The following TRIP12 variants were observed in gnomAD, a reference collection of about 807,000 sequenced individuals.
The protein encoded by TRIP12 is thyroid hormone receptor interactor 12.
A neutral mutation model predicts 244.2 loss-of-function variants in TRIP12; 25 were observed. The observed-to-expected ratio is 0.10, with a 90% CI of 0.07 to 0.14. TRIP12 has a LOEUF of 0.14. Ranked by LOEUF, TRIP12 falls within the 10% of genes least tolerant of loss-of-function variation. The probability of loss-of-function intolerance (pLI) is 1.00; values close to 1 mark genes in which losing one functional copy is unlikely to be tolerated. For missense variants in TRIP12, 1,677 were observed against 2,486.4 expected, an observed-to-expected ratio of 0.67 and a Z score of 6.92; for synonymous variants, 905 against 873.1, an observed-to-expected ratio of 1.04 and a Z score of -0.64.
chr2:229,815,351 G>A (rs754231249), intron 9 of TRIP12, 43 bp from the exon 10 acceptor site: 1 of 1,165,630 alleles, frequency 8.6e-7, no homozygotes, highest in South Asian at 1.4e-5. Context: ...TATTCCTTGG[G>A]AAAATCCTAG....
At chr2:229,872,621 T>A (rs891065507) in intron 2 of TRIP12, among the ~76,000 whole-genome samples, 1 of 152,116 alleles carries the variant, frequency 6.6e-6, no homozygotes, top group Admixed American at 6.5e-5. Context: ...GCAAGTCACA[T>A]TACGGTATGT....
rs1361735319 is a variant in TRIP12 at position 229,804,172 on chromosome 2, A to C, written c.2706T>G (p.Asp902Glu). Reference sequence around the variant, plus strand: ...TAATAAAAGACTTAGCCAGTTCCGGATCCTCTTTCATAAGCTGTGCTCGAG... The same window carrying C: ...TAATAAAAGACTTAGCCAGTTCCGGCTCCTCTTTCATAAGCTGTGCTCGAG... The part of the protein sequence containing the change: ...DDARAQLMKE[D>E]PELAKSFIKT... Residue 902 changes from aspartate (D) to glutamate (E), a missense_variant, in exon 19 of 42, where the codon GAT becomes GAG. Asp to Glu is a conservative substitution (Grantham distance 45). Transcript: ENST00000675903. 6.2e-7 allele frequency: 1 copy of C among 1,614,138 alleles called. No homozygotes were observed. Among genetic ancestry groups the C allele is most frequent in the Admixed American group, 1.7e-5 (1 of 60,024 alleles).
chr2:229,898,185 G>C (rs1254024964), intron 1 of TRIP12, among the ~76,000 whole-genome samples: 1 of 152,160 alleles, frequency 6.6e-6, no homozygotes, highest in African/African-American at 2.4e-5. Context: ...GACACACATT[G>C]ATAAGTCAAT....
rs747501109 is a variant in TRIP12, at chr2:229,771,526, G to A, written c.5801C>T (p.Pro1934Leu). Residue 1934 changes from proline to leucine, a missense_variant, in exon 39 of 42, where the codon CCG (proline) becomes CTG (leucine). Pro to Leu is a moderately conservative substitution (Grantham distance 98, BLOSUM62 -3). Transcript: ENST00000675903. ...TAGATATAAGCTACTCACTTCCTCC[G>A]GGTAGAAGTACTGAAGATGACTGAG... ...FPLSHLQYFY[P>L]EELDQLLCGS... 6.2e-7 allele frequency: 1 copy of A among 1,612,028 alleles called. No homozygotes were observed. The highest frequency in any genetic ancestry group is 8.5e-7 in the Non-Finnish European group (1 of 1,178,266).
At chr2:229,877,641 A>G (rs1189869421) in intron 2 of TRIP12, among the ~76,000 whole-genome samples, 1 of 152,230 alleles carries the variant, frequency 6.6e-6, no homozygotes, top group Non-Finnish European at 1.5e-5. Flanking sequence ...TTGATAGCCC[A>G]CAATGATTGT....
At chr2:229,843,081 CCTCCCTCCTTCTCTCT>C (rs1185417073) in intron 4 of TRIP12, among the ~76,000 whole-genome samples, 162 of 135,614 alleles carry the variant, frequency 1.2e-3, no homozygotes, top group Non-Finnish European at 4.4e-4. Flanking sequence ...TCCTTCCCTC[CCTCCCTCCTTCTCTCT>C]CTCCCTCCCT....
At position 229,810,910 on chromosome 2, in the gene TRIP12, G is replaced by A. The variant is rs753789064; in HGVS notation, c.2191C>T (p.Pro731Ser). The A allele has an allele frequency of 1.2e-6, 2 of 1,613,798 alleles. No homozygotes were observed. The highest frequency in any genetic ancestry group is 8.5e-7 in the Non-Finnish European group (1 of 1,179,912). Residue 731 changes from proline (P) to serine (S), a missense_variant, in exon 15 of 42, where the codon CCA (proline) becomes TCA (serine). This residue lies in a region of TRIP12 where 572 missense variants were observed against 867.8 expected (regional missense o/e 0.66). Transcript: ENST00000675903. ...TTCATAAGTTGAACAGCTAAAGTTG[G>A]ACAGTTGGAACACATCAGAGAAAAC... ...RMFSLMCSNCPTLAVQLMKQN... is the reference protein window; with the variant it reads ...RMFSLMCSNCSTLAVQLMKQN...
intron 8 of TRIP12, among the ~76,000 whole-genome samples, chr2:229,820,693 A>G (rs2154289731): frequency 6.6e-6 from 1 of 152,282 alleles, no homozygotes; most frequent in African/African-American, 2.4e-5. Context: ...GGTTCCAGCG[A>G]TTCTCCTGCC....
chr2:229,916,390 A>T (rs1210109965), intron 1 of TRIP12, among the ~76,000 whole-genome samples: 2 of 152,188 alleles, frequency 1.3e-5, no homozygotes. Flanking sequence ...TGACTTTTTA[A>T]ATCAAGCATA....
chr2:229,858,067 TA>T (rs929899430), intron 4 of TRIP12, among the ~76,000 whole-genome samples: 1 of 152,104 alleles, frequency 6.6e-6, no homozygotes, highest in African/African-American at 2.4e-5. Flanking sequence ...ATATCTCATA[TA>T]AAAAAATATA....
At chr2:229,902,662 G>C (rs1335270157) in intron 1 of TRIP12, among the ~76,000 whole-genome samples, 1 of 152,098 alleles carries the variant, frequency 6.6e-6, no homozygotes, top group African/African-American at 2.4e-5. Context: ...TGGTTTTTTT[G>C]AATCTTATGG....
chr2:229,908,499 C>T (rs1307145419), intron 1 of TRIP12, among the ~76,000 whole-genome samples: 2 of 152,070 alleles, frequency 1.3e-5, no homozygotes, highest in African/African-American at 4.8e-5. Flanking sequence ...AATCCCAGCA[C>T]TTTGGGAGGC....
intron 20 of TRIP12, among the ~76,000 whole-genome samples, chr2:229,802,890 CA>C (rs1011792243): frequency 5.4e-5 from 8 of 148,146 alleles, no homozygotes; most frequent in Non-Finnish European, 4.5e-5. Flanking sequence ...ACACTGCCAC[CA>C]AAAAAAAAAC....
rs2060080046 is a variant in TRIP12 at position 229,859,094 on chromosome 2, G to A, written c.705C>T (p.Ile235=). Residue 235 remains isoleucine (I), a synonymous_variant, in exon 4 of 42, where the codon ATC becomes ATT. Transcript: ENST00000675903. The part of the protein sequence containing the change: ...ATSAKAGCST[I]TDSSSAASTS... Reference sequence around the variant, plus strand: ...TAGAGGCAGCAGAAGAAGAATCAGTGATGGTGCTACACCCAGCTTTGGCTG... The same window carrying A: ...TAGAGGCAGCAGAAGAAGAATCAGTAATGGTGCTACACCCAGCTTTGGCTG... The A allele has an allele frequency of 1.2e-6, 2 of 1,614,238 alleles. No individual in the cohort carries two copies. The highest frequency in any genetic ancestry group is 1.7e-6 in the Non-Finnish European group (2 of 1,180,036).
intron 34 of TRIP12, among the ~76,000 whole-genome samples, chr2:229,784,701 T>C (rs1399583415): frequency 1.3e-5 from 2 of 152,018 alleles, no homozygotes; most frequent in Non-Finnish European, 2.9e-5. Context: ...TTATCAATCA[T>C]GAGGGAAATA....
At chr2:229,851,793 C>T (rs760348990) in intron 4 of TRIP12, among the ~76,000 whole-genome samples, 6 of 152,048 alleles carry the variant, frequency 3.9e-5, no homozygotes, top group Non-Finnish European at 8.8e-5. Context: ...GACCATGAAC[C>T]CACCAGAAGG....
chr2:229,884,236 CTTTT>C (rs200052292), intron 1 of TRIP12, among the ~76,000 whole-genome samples: 1 of 123,602 alleles, frequency 8.1e-6, no homozygotes, highest in Admixed American at 8.8e-5. Context: ...TTTTTCTTTT[CTTTT>C]TTTTTTTTTT....
intron 4 of TRIP12, among the ~76,000 whole-genome samples, chr2:229,844,595 T>C (rs528240584): frequency 1.3e-5 from 2 of 152,318 alleles, no homozygotes; most frequent in African/African-American, 2.4e-5. Context: ...ATTCTAGCAA[T>C]GAAATAAGTA....
chr2:229,777,494 G>A lies in TRIP12; in HGVS notation c.5365-15C>T. On this transcript the variant is annotated splice_polypyrimidine_tract_variant and intron_variant, in intron 36 of 41. Coordinates refer to ENST00000675903, the MANE Select transcript of TRIP12 (RefSeq NM_001348323.3). ...GGAAGGTCCACCTGAAATGGAATAT[G>A]CATAATATTTTCACTGTCACACTGA... 1 of 1,613,036 alleles carries A rather than the reference G, an allele frequency of 6.2e-7. No homozygotes were observed. The highest frequency in any genetic ancestry group is 8.5e-7 in the Non-Finnish European group (1 of 1,179,284).
Sources: allele counts gnomAD v4.1 joint callset (sites outside exome capture counted in the v4.1 genomes callset), GRCh38; gene constraint gnomAD v4.1.1; regional missense constraint gnomAD v4.1.1; transcripts MANE v1.5; gene names NCBI Gene and HGNC (gene_info 2026-07-23, HGNC 2026-07-21).